The following USP34 variants were observed in gnomAD, a reference collection of about 807,000 sequenced individuals.
USP34 encodes ubiquitin carboxyl-terminal hydrolase 34.
In USP34, 70 loss-of-function variants were observed where a neutral mutation model predicts 460.3. The ratio of observed to expected loss-of-function variants is 0.15; its 90% CI spans 0.13 to 0.19. The LOEUF is 0.19. Among genes scored for constraint, USP34 ranks in the 10% least tolerant of loss-of-function variants. The pLI is 1.00. For missense variants in USP34, 3,985 were observed against 4,236.2 expected, an observed-to-expected ratio of 0.94 and a Z score of 1.65; for synonymous variants, 1,647 against 1,405.3, an observed-to-expected ratio of 1.17 and a Z score of -3.85.
chr2:61,378,532 C>A, intron 7 of USP34, 108 bp from the exon 8 acceptor site: 1 of 616,002 alleles, frequency 1.6e-6, no homozygotes, highest in Non-Finnish European at 2.8e-6. Flanking sequence ...ATCACAATAA[C>A]TAGATTAATA....
intron 3 of USP34, among the ~76,000 whole-genome samples, chr2:61,398,728 T>G (rs1379347340): frequency 6.6e-6 from 1 of 152,208 alleles, no homozygotes; most frequent in South Asian, 2.1e-4. Flanking sequence ...TCACCTATTT[T>G]AGATATTTAA....
In USP34 at chr2:61,410,269, C is replaced by T. The variant is rs112732403; in HGVS notation, c.132-4141G>A. On this transcript the variant is annotated intron_variant, in intron 2 of 79. Coordinates refer to ENST00000398571, the MANE Select transcript of USP34 (RefSeq NM_014709.4). ...ACCATCTGGGGGTGATAGGAGACAG[C>T]GATAGATCATCAAGCATTATATTCT... Among the ~76,000 whole-genome samples the T allele has an allele frequency of 8.7e-3, 1,331 of 152,242 alleles. 21 individuals are homozygous for T. The highest frequency in any genetic ancestry group is 0.03 in the African/African-American group (1,256 of 41,528).
intron 62 of USP34, 39 bp from the exon 63 acceptor site, chr2:61,223,335 T>C (rs756115522): frequency 6.9e-6 from 11 of 1,583,174 alleles, no homozygotes; most frequent in African/African-American, 1.3e-5. Flanking sequence ...TTTTCTTCCT[T>C]CTGTATTACT....
intron 75 of USP34, among the ~76,000 whole-genome samples, chr2:61,195,419 A>C (rs917465333): frequency 1.3e-5 from 2 of 151,596 alleles, no homozygotes; most frequent in East Asian, 2.0e-4. Flanking sequence ...CATGCCTGTA[A>C]CCCCAGCACT....
rs963681064 is a variant in USP34 at position 61,263,369 on chromosome 2, C to T, written c.5778+2028G>A. On this transcript the variant is annotated intron_variant, in intron 43 of 79. Coordinates refer to ENST00000398571, the MANE Select transcript of USP34 (RefSeq NM_014709.4). ...TAATTTTCATATTTTTTAGAGGAGACATGGCTTCACTATGTTGGCCAGGCT... is the reference window on the plus strand; with the variant it reads ...TAATTTTCATATTTTTTAGAGGAGATATGGCTTCACTATGTTGGCCAGGCT... 2.9e-4 allele frequency among the ~76,000 whole-genome samples: 44 copies of T among 151,602 alleles called. 1 individual carries two copies. The highest frequency in any genetic ancestry group is 2.5e-3 in the Admixed American group (38 of 15,210).
At chr2:61,289,712 A>C (rs1689792217) in intron 33 of USP34, among the ~76,000 whole-genome samples, 1 of 152,208 alleles carries the variant, frequency 6.6e-6, no homozygotes, top group Non-Finnish European at 1.5e-5. Context: ...TCTTTTCAAC[A>C]AATTGGTGCT....
At chr2:61,343,624 T>C (rs1225759234) in intron 16 of USP34, among the ~76,000 whole-genome samples, 191 bp downstream of exon 16, 1 of 152,158 alleles carries the variant, frequency 6.6e-6, no homozygotes, top group Non-Finnish European at 1.5e-5. Context: ...GCAGGACTTA[T>C]TTATATTCAT....
intron 1 of USP34, among the ~76,000 whole-genome samples, chr2:61,460,070 G>A (rs1430963435): frequency 6.6e-6 from 1 of 152,042 alleles, no homozygotes; most frequent in Admixed American, 6.6e-5. Context: ...TCAGAAAAAA[G>A]ATACTTGAAA....
At chr2:61,384,327 T>A (rs1693069823) in intron 5 of USP34, among the ~76,000 whole-genome samples, 1 of 152,150 alleles carries the variant, frequency 6.6e-6, no homozygotes, top group African/African-American at 2.4e-5. Flanking sequence ...ACCCAACCAA[T>A]CAAACAAAAA....
intron 3 of USP34, among the ~76,000 whole-genome samples, chr2:61,399,462 A>G (rs570899467): frequency 7.9e-5 from 12 of 152,260 alleles, no homozygotes; most frequent in Non-Finnish European, 1.8e-4. Context: ...ATGAATACAT[A>G]AAGCTAGCAT....
intron 74 of USP34, among the ~76,000 whole-genome samples, chr2:61,203,661 G>A (rs967977260): frequency 3.9e-5 from 6 of 151,918 alleles, no homozygotes; most frequent in Admixed American, 1.3e-4. Context: ...CTGAAAATCC[G>A]AAGATGGCAA....
chr2:61,241,255 G>A (rs1256307002), intron 53 of USP34, among the ~76,000 whole-genome samples: 2 of 151,998 alleles, frequency 1.3e-5, no homozygotes, highest in Non-Finnish European at 2.9e-5. Context: ...ATTTGGCCAT[G>A]CTGGTCTTGA....
chr2:61,442,407 A>C (rs1694990751), intron 1 of USP34, among the ~76,000 whole-genome samples: 1 of 41,464 alleles, frequency 2.4e-5, no homozygotes, highest in South Asian at 4.2e-4. Context: ...TCTTAACAGC[A>C]AAAAAAAAAA....
chr2:61,282,695 C>A lies in USP34; in HGVS notation c.4998+450G>T, dbSNP rs555200642. Among the ~76,000 whole-genome samples the A allele has an allele frequency of 2.1e-3, 314 of 152,104 alleles. 2 individuals are homozygous for A. Among genetic ancestry groups the A allele is most frequent in the African/African-American group, 7.4e-3 (306 of 41,492 alleles). On this transcript the variant is annotated intron_variant, in intron 37 of 79. Transcript: ENST00000398571. The stretch of plus-strand genomic sequence containing the variant: ...GTCCCAGCTACTTGGGAGGCTGAAG[C>A]CAGAGGATCGCTTGTTCCCAGGAGG...
chr2:61,385,442 C>A (rs897053175), intron 5 of USP34, among the ~76,000 whole-genome samples: 1 of 151,378 alleles, frequency 6.6e-6, no homozygotes, highest in African/African-American at 2.4e-5. Flanking sequence ...GAGGCCGAGG[C>A]GGGCGGATCA....
chr2:61,403,704 G>T (rs1464358001), intron 3 of USP34, among the ~76,000 whole-genome samples: 2 of 152,028 alleles, frequency 1.3e-5, no homozygotes, highest in Non-Finnish European at 2.9e-5. Flanking sequence ...AAAAGCTTTA[G>T]AGGCTGGGCG....
rs965129530 is a variant in USP34, at chr2:61,296,236, G to A, written c.4254+564C>T. Among the ~76,000 whole-genome samples the A allele has an allele frequency of 5.3e-5, 8 of 151,112 alleles. No homozygotes were observed. The Admixed American group carries it at 5.3e-4, about 10-fold the overall frequency. ...GACCACACCACTGTACTCCAGCCTG[G>A]GTAACAGAGTTATACCTTATCTCAA... On this transcript the variant is annotated intron_variant, in intron 30 of 79. Coordinates refer to ENST00000398571, the MANE Select transcript of USP34 (RefSeq NM_014709.4).
chr2:61,432,012 ATGT>A (rs747122001), intron 1 of USP34, among the ~76,000 whole-genome samples: 2,028 of 152,252 alleles, frequency 0.013, 20 homozygotes, highest in Non-Finnish European at 0.021. Flanking sequence ...CCCTATAAAT[ATGT>A]ATAAGAATTA....
At chr2:61,458,016 T>A (rs1239385415) in intron 1 of USP34, among the ~76,000 whole-genome samples, 1 of 152,140 alleles carries the variant, frequency 6.6e-6, no homozygotes, top group Non-Finnish European at 1.5e-5. Context: ...CACAGTGATC[T>A]TACGATTTTT....
Sources: gnomAD v4.1 joint callset for allele counts (sites outside exome capture counted in the v4.1 genomes callset) on GRCh38, gnomAD v4.1.1 for gene constraint, MANE v1.5 for transcripts, NCBI Gene and HGNC (gene_info 2026-07-23, HGNC 2026-07-21) for gene names.